The following NHSL1 variants were observed in gnomAD, a reference collection of about 807,000 sequenced individuals.
NHSL1 encodes the protein NHS-like protein 1.
In NHSL1, 48 loss-of-function variants were observed where a neutral mutation model predicts 95.0. The observed-to-expected ratio is 0.51, with a 90% confidence interval of 0.40 to 0.64. The LOEUF (loss-of-function observed/expected upper bound fraction) is 0.64. Ranked by LOEUF, NHSL1 falls within the 30% of genes least tolerant of loss-of-function variation. NHSL1 has a pLI of 0.00. For missense variants in NHSL1, 1,971 were observed against 2,077.7 expected, an observed-to-expected ratio of 0.95 and a Z score of 1.00; for synonymous variants, 783 against 833.9, an observed-to-expected ratio of 0.94 and a Z score of 1.05.
intron 3 of NHSL1, among the ~76,000 whole-genome samples, chr6:138,455,073 G>A (rs1453232837): frequency 2.0e-5 from 3 of 152,230 alleles, no homozygotes; most frequent in African/African-American, 4.8e-5. Flanking sequence ...GCAAAAAGGC[G>A]TGGGAATGAC....
At chr6:138,504,067 C>T (rs1484641223), upstream of NHSL1, among the ~76,000 whole-genome samples, 1 of 131,228 alleles carries the variant, frequency 7.6e-6, no homozygotes, top group Non-Finnish European at 1.7e-5. Context: ...CCTATCCCCC[C>T]AAAAATACAA....
chr6:138,587,799 G>GA (rs1435769460), intron 1 of NHSL1, among the ~76,000 whole-genome samples: 1 of 152,230 alleles, frequency 6.6e-6, no homozygotes, highest in Non-Finnish European at 1.5e-5. Context: ...GGGTCTCTGA[G>GA]TCTAAAAAGA....
chr6:138,560,115 A>C (rs956490089), intron 1 of NHSL1, among the ~76,000 whole-genome samples: 3 of 152,252 alleles, frequency 2.0e-5, no homozygotes, highest in African/African-American at 7.2e-5. Context: ...AAACTAGAGA[A>C]GAATTTACTA....
chr6:138,501,442 G>A (rs1420321939), upstream of NHSL1, among the ~76,000 whole-genome samples: 4 of 152,132 alleles, frequency 2.6e-5, no homozygotes, highest in South Asian at 2.1e-4. Context: ...GGGGTTTGAG[G>A]GTGGCCAGGC....
At chr6:138,576,637 G>A (rs1234576053), upstream of NHSL1, among the ~76,000 whole-genome samples, 1 of 152,214 alleles carries the variant, frequency 6.6e-6, no homozygotes, top group Non-Finnish European at 1.5e-5. Context: ...GGGAGTTAAT[G>A]AGGGCTCACG....
chr6:138,510,203 C>T (rs1374518889), intron 1 of NHSL1, among the ~76,000 whole-genome samples: 2 of 152,148 alleles, frequency 1.3e-5, no homozygotes, highest in Non-Finnish European at 2.9e-5. Context: ...TTTCTTTTCT[C>T]AGTTTCCTGT....
At chr6:138,665,237 A>ACT (rs145601490) in intron 1 of NHSL1, among the ~76,000 whole-genome samples, 6,368 of 152,262 alleles carry the variant, frequency 0.042, 347 homozygotes, top group African/African-American at 0.13. Flanking sequence ...CTTTCCAATA[A>ACT]CTAATTCTTT....
intron 2 of NHSL1, among the ~76,000 whole-genome samples, chr6:138,490,856 T>A (rs971810021): frequency 7.2e-5 from 11 of 152,242 alleles, no homozygotes; most frequent in Admixed American, 2.0e-4. Context: ...ATGGTATCTA[T>A]CTCCTGACCT....
intron 1 of NHSL1, among the ~76,000 whole-genome samples, chr6:138,617,029 A>G (rs1033021958): frequency 2.6e-5 from 4 of 152,188 alleles, no homozygotes; most frequent in African/African-American, 9.7e-5. Context: ...TATTCTTTAA[A>G]AGGTTACTGT....
intron 1 of NHSL1, among the ~76,000 whole-genome samples, chr6:138,629,864 T>A (rs554656700): frequency 6.6e-6 from 1 of 152,346 alleles, no homozygotes; most frequent in South Asian, 2.1e-4. Flanking sequence ...AAACCAGGCT[T>A]CATAAAGTTG....
At chr6:138,548,716 T>C (rs1782896572), upstream of NHSL1, among the ~76,000 whole-genome samples, 1 of 152,200 alleles carries the variant, frequency 6.6e-6, no homozygotes, top group Non-Finnish European at 1.5e-5. Flanking sequence ...TTGGTATGAA[T>C]ACACACACAT....
At chr6:138,509,136 A>G (rs1175092925) in intron 1 of NHSL1, among the ~76,000 whole-genome samples, 1 of 152,248 alleles carries the variant, frequency 6.6e-6, no homozygotes, top group African/African-American at 2.4e-5. Flanking sequence ...AACATCTTAG[A>G]GAATACTTTT....
At chr6:138,455,988 C>T (rs1432198304) in intron 3 of NHSL1, among the ~76,000 whole-genome samples, 1 of 152,182 alleles carries the variant, frequency 6.6e-6, no homozygotes, top group Non-Finnish European at 1.5e-5. Context: ...ATCAGCTTAA[C>T]AATACTTATC....
intron 1 of NHSL1, among the ~76,000 whole-genome samples, chr6:138,673,039 A>ATAGATAGATAGATAGG (rs1554259679): frequency 1.9e-4 from 2 of 10,260 alleles, no homozygotes; most frequent in Non-Finnish European, 5.6e-4. Flanking sequence ...AGGTAGATAG[A>ATAGATAGATAGATAGG]TAGATAGATA....
chr6:138,587,755 TTGGAAGCTTCCCA>T lies in NHSL1; in HGVS notation c.97-91397_97-91385del, dbSNP rs374556134. ...GATGCAAAGCCTGAAATTCACTGCC[TTGGAAGCTTCCCA>T]TGGAACATGCCAAGGTCAGTGGGTC... On this transcript the variant is annotated intron_variant, in intron 1 of 3. Transcript: ENST00000491526. 1.8e-3 allele frequency among the ~76,000 whole-genome samples: 277 copies of T among 152,330 alleles called. 3 individuals carry two copies. Among genetic ancestry groups the T allele is most frequent in the Non-Finnish European group, 2.2e-3 (151 of 68,028 alleles).
chr6:138,441,288 C>A (rs2128214197), intron 5 of NHSL1, among the ~76,000 whole-genome samples: 2 of 152,130 alleles, frequency 1.3e-5, no homozygotes, highest in Middle Eastern at 3.4e-3. Flanking sequence ...ATTATGGGCC[C>A]TATTAGAAAA....
intron 1 of NHSL1, among the ~76,000 whole-genome samples, chr6:138,636,268 T>C (rs1784887790): frequency 6.6e-6 from 1 of 151,976 alleles, no homozygotes; most frequent in Non-Finnish European, 1.5e-5. Context: ...GGAACATACC[T>C]CAACATAATA....
chr6:138,661,203 G>A (rs549185091), intron 1 of NHSL1, among the ~76,000 whole-genome samples: 105 of 152,238 alleles, frequency 6.9e-4, no homozygotes, highest in African/African-American at 2.5e-3. Flanking sequence ...TTACCAGGCT[G>A]TATGTTAGAT....
chr6:138,676,690 T>C (rs1002906448), intron 1 of NHSL1, among the ~76,000 whole-genome samples: 4 of 152,244 alleles, frequency 2.6e-5, no homozygotes, highest in Admixed American at 2.0e-4. Context: ...AGTCTAGCTC[T>C]GTCACCCAGG....
Sources: gnomAD v4.1 joint callset for allele counts (sites outside exome capture counted in the v4.1 genomes callset) on GRCh38, gnomAD v4.1.1 for gene constraint, MANE v1.5 for transcripts, NCBI Gene and HGNC (gene_info 2026-07-23, HGNC 2026-07-21) for gene names.